The following WDFY4 variants were observed in gnomAD, a reference collection of about 807,000 sequenced individuals.
WDFY4 encodes WD repeat- and FYVE domain-containing protein 4.
WDFY4 carries 169 observed loss-of-function variants against 351.9 expected under a neutral mutation model. The observed-to-expected ratio is 0.48, with a 90% CI of 0.42 to 0.55. The LOEUF is 0.55. Among genes scored for constraint, WDFY4 ranks in the 20% least tolerant of loss-of-function variants. The probability of loss-of-function intolerance (pLI) is 0.00; values close to 1 mark genes in which losing one functional copy is unlikely to be tolerated. For synonymous variants in WDFY4, 1,622 were observed against 1,574.6 expected (o/e 1.03, Z -0.71); for missense variants, 3,803 against 3,935.6 (o/e 0.97, Z 0.90).
At chr10:48,787,905 T>TCTTCTTCTC (rs2066505789) in intron 20 of WDFY4, among the ~76,000 whole-genome samples, 1 of 31,476 alleles carries the variant, frequency 3.2e-5, no homozygotes, top group Admixed American at 2.9e-4. Context: ...TTCTTCTTCT[T>TCTTCTTCTC]CTTCTTCTTC....
intron 12 of WDFY4, among the ~76,000 whole-genome samples, chr10:48,758,049 T>A (rs537708704): frequency 1.3e-5 from 2 of 152,304 alleles, no homozygotes; most frequent in African/African-American, 4.8e-5. Flanking sequence ...TCTTCATCCC[T>A]GAAGTTTCCT....
chr10:48,870,941 CTTT>C (rs35914987), intron 40 of WDFY4, among the ~76,000 whole-genome samples: 1 of 148,706 alleles, frequency 6.7e-6, no homozygotes, highest in African/African-American at 2.5e-5. Flanking sequence ...GATATGCGTT[CTTT>C]TTTTTTTTTG....
At position 48,946,913 on chromosome 10, in the gene WDFY4, G is replaced by C; in HGVS notation, c.7921G>C (p.Val2641Leu). Residue 2641 changes from valine to leucine, a missense_variant, in exon 51 of 62, where the codon GTG becomes CTG. This residue lies in a region of WDFY4 where 3,054 missense variants were observed against 3,148.6 expected (regional missense o/e 0.97). Coordinates refer to ENST00000325239, the MANE Select transcript of WDFY4 (RefSeq NM_001394531.1). ...CACCCACTACTCCTCGGCCATCATC[G>C]TGGCCTCCTACCTGGTCCGGATGCC... ...YYTHYSSAIIVASYLVRMPPF... is the reference protein window; with the variant it reads ...YYTHYSSAIILASYLVRMPPF... The C allele has an allele frequency of 6.4e-7, 1 of 1,551,896 alleles. No individual in the cohort carries two copies.
chr10:48,780,372 C>CGAG (rs1270915940), intron 19 of WDFY4, among the ~76,000 whole-genome samples: 2 of 152,202 alleles, frequency 1.3e-5, no homozygotes, highest in Non-Finnish European at 2.9e-5. Flanking sequence ...ATCCAGGTCT[C>CGAG]TAAGAATAGT....
In WDFY4 at chr10:48,730,989, T is replaced by G. The variant is rs1461976504; in HGVS notation, c.1130-121T>G. 8.9e-6 allele frequency: 10 copies of G among 1,119,344 alleles called. No individual in the cohort carries two copies. In the South Asian group the frequency reaches 1.7e-4, roughly 19 times the overall value. 69.3% of individuals were successfully genotyped at this position (1,119,344 alleles called of 1,614,324 possible). Reference sequence around the variant, plus strand: ...CTTTTCTGGACTTCTGATGGACATGTGCCCATAGGAGTTAGAACACAGAAA... The same window carrying G: ...CTTTTCTGGACTTCTGATGGACATGGGCCCATAGGAGTTAGAACACAGAAA... On this transcript the variant is annotated intron_variant, in intron 8 of 61. Coordinates refer to ENST00000325239, the MANE Select transcript of WDFY4 (RefSeq NM_001394531.1).
chr10:48,884,535 T>A (rs965510600), intron 43 of WDFY4, among the ~76,000 whole-genome samples: 1 of 151,934 alleles, frequency 6.6e-6, no homozygotes, highest in African/African-American at 2.4e-5. Flanking sequence ...CACACATACA[T>A]GTGTGCATAC....
chr10:48,929,400 T>G (rs1056445435), intron 47 of WDFY4, among the ~76,000 whole-genome samples: 1 of 152,166 alleles, frequency 6.6e-6, no homozygotes, highest in Non-Finnish European at 1.5e-5. Flanking sequence ...TATTGTGTCC[T>G]GGACTCCATA....
chr10:48,774,338 G>A, intron 13 of WDFY4, 120 bp from the exon 14 acceptor site: 1 of 1,007,404 alleles, frequency 9.9e-7, no homozygotes. Context: ...GTGGGGATGG[G>A]GTATGGTGGG....
Position 48,803,358 on chromosome 10 carries a change from A to G in WDFY4, c.4483A>G (p.Arg1495Gly). The change falls in exon 25 of 62, where the codon AGG (arginine) becomes GGG (glycine). Residue 1495 changes from arginine to glycine, a missense_variant and splice_region_variant. This residue lies in a region of WDFY4 where 3,054 missense variants were observed against 3,148.6 expected (regional missense o/e 0.97). Coordinates refer to ENST00000325239, the MANE Select transcript of WDFY4 (RefSeq NM_001394531.1). ...TCTTTTGGAAATCCTTCAATCACCA[A>G]GGTAGGCTGGGTCTTGGCAGCCTGG... ...SHLLEILQSPREGPRNAEAAH... is the reference protein window; with the variant it reads ...SHLLEILQSPGEGPRNAEAAH... 1 of 1,551,908 alleles carries G rather than the reference A, an allele frequency of 6.4e-7. No individual in the cohort carries two copies. Among genetic ancestry groups the G allele is most frequent in the Non-Finnish European group, 8.7e-7 (1 of 1,147,030 alleles).
At chr10:48,850,511 T>C (rs1370320545) in intron 39 of WDFY4, among the ~76,000 whole-genome samples, 1 of 152,216 alleles carries the variant, frequency 6.6e-6, no homozygotes, top group Non-Finnish European at 1.5e-5. Context: ...TGATCTCCTT[T>C]TTTCTGCTCA....
At chr10:48,923,506 A>ATATATATATATATATG (rs143983467) in intron 47 of WDFY4, among the ~76,000 whole-genome samples, 2 of 115,108 alleles carry the variant, frequency 1.7e-5, no homozygotes, top group Non-Finnish European at 2.0e-5. Flanking sequence ...GTATATATAT[A>ATATATATATATATATG]TATATATGTC....
intron 40 of WDFY4, among the ~76,000 whole-genome samples, chr10:48,872,896 A>G (rs1175318945): frequency 6.6e-6 from 1 of 152,198 alleles, no homozygotes; most frequent in African/African-American, 2.4e-5. Flanking sequence ...AATCTATGAC[A>G]TTAGGATTGA....
intron 2 of WDFY4, among the ~76,000 whole-genome samples, chr10:48,719,217 G>A (rs141428639): frequency 1.3e-5 from 2 of 152,226 alleles, no homozygotes; most frequent in African/African-American, 4.8e-5. Context: ...TATACAAAGA[G>A]CTCTTTTAAA....
chr10:48,689,464 T>A (rs750020246), intron 1 of WDFY4, among the ~76,000 whole-genome samples: 1 of 152,232 alleles, frequency 6.6e-6, no homozygotes, highest in Non-Finnish European at 1.5e-5. Context: ...ATAAAATACC[T>A]CAGTACCTGA....
chr10:48,784,714 G>T (rs1462457333), intron 19 of WDFY4, among the ~76,000 whole-genome samples: 9 of 150,368 alleles, frequency 6.0e-5, no homozygotes, highest in African/African-American at 1.7e-4. Context: ...GCTAATTTTT[G>T]TATTTTTAGT....
At chr10:48,928,089 G>A (rs1264128238) in intron 47 of WDFY4, among the ~76,000 whole-genome samples, 8 of 152,170 alleles carry the variant, frequency 5.3e-5, no homozygotes, top group Non-Finnish European at 1.2e-4. Flanking sequence ...TTGCCAGACA[G>A]GTGTTATTTT....
chr10:48,732,964 TTA>T (rs2064517694), intron 9 of WDFY4, among the ~76,000 whole-genome samples: 1 of 152,210 alleles, frequency 6.6e-6, no homozygotes, highest in Non-Finnish European at 1.5e-5. Flanking sequence ...GGACAATATT[TTA>T]TGAGTTGCTT....
intron 58 of WDFY4, 76 bp from the exon 59 acceptor site, chr10:48,976,721 A>G: frequency 7.8e-7 from 1 of 1,276,102 alleles, no homozygotes; most frequent in South Asian, 2.5e-5. Context: ...TGGGTGTACC[A>G]ACTGGGTAGC....
intron 60 of WDFY4, chr10:48,980,188 T>G (rs1012410354): frequency 2.6e-5 from 4 of 152,232 alleles, no homozygotes; most frequent in Admixed American, 1.3e-4. Flanking sequence ...CATGGACATA[T>G]TCAAATAATC....
Sources: allele counts gnomAD v4.1 joint callset (sites outside exome capture counted in the v4.1 genomes callset), GRCh38; gene constraint gnomAD v4.1.1; regional missense constraint gnomAD v4.1.1; transcripts MANE v1.5; gene names NCBI Gene and HGNC (gene_info 2026-07-23, HGNC 2026-07-21).